ANKRD55: variants seen among roughly 807,000 people sequenced by gnomAD.
ANKRD55 encodes the protein ankyrin repeat domain 55.
Under a neutral mutation model 60.6 loss-of-function variants are expected in ANKRD55, and 41 were observed. That is an observed-to-expected ratio of 0.68 (90% confidence interval 0.53 to 0.88). The LOEUF is 0.88. ANKRD55 is among the 40% of genes least tolerant of loss of function. ANKRD55 has a pLI of 0.00. For missense variants in ANKRD55, 732 were observed against 767.6 expected, an observed-to-expected ratio of 0.95 and a Z score of 0.55; for synonymous variants, 264 against 290.3, an observed-to-expected ratio of 0.91 and a Z score of 0.92.
chr5:56,137,860 A>T (rs995782901), intron 7 of ANKRD55, among the ~76,000 whole-genome samples: 1 of 152,234 alleles, frequency 6.6e-6, no homozygotes, highest in Admixed American at 6.5e-5. Flanking sequence ...TTAAATGGGC[A>T]GAAGATCTTT....
Position 56,187,696 on chromosome 5 carries a change from G to C in ANKRD55, c.59-4062C>G, listed in dbSNP as rs1177724653. Among the ~76,000 whole-genome samples the C allele has an allele frequency of 3.3e-5, 5 of 152,356 alleles. No homozygotes were observed. The East Asian group carries it at 9.6e-4, about 29-fold the overall frequency. On this transcript the variant is annotated intron_variant, in intron 2 of 11. Transcript: ENST00000341048. ...TGCCATTGTTCCTGCACGGCTAACTGCCTGGGTTCATCCTAATCGAGCTGA... is the reference window on the plus strand; with the variant it reads ...TGCCATTGTTCCTGCACGGCTAACTCCCTGGGTTCATCCTAATCGAGCTGA...
At position 56,126,917 on chromosome 5, in the gene ANKRD55, G is replaced by A; in HGVS notation, c.797+5C>T. 5 of 1,595,172 alleles carry A rather than the reference G, an allele frequency of 3.1e-6. No individual in the cohort carries two copies. Among genetic ancestry groups the A allele is most frequent in the Non-Finnish European group, 4.3e-6 (5 of 1,169,682 alleles). ...TTCCCAGCACTTTCTGGTTACCATG[G>A]ATACCTGTCATCCACATCCAGAGCC... On this transcript the variant is annotated splice_donor_5th_base_variant and intron_variant, in intron 8 of 11. Coordinates refer to ENST00000341048, the MANE Select transcript of ANKRD55 (RefSeq NM_024669.3).
chr5:56,116,518 T>C, intron 9 of ANKRD55, 97 bp downstream of exon 9: 3 of 993,146 alleles, frequency 3.0e-6, no homozygotes, highest in Non-Finnish European at 4.1e-6. Flanking sequence ...TATAATAATA[T>C]TATTATTGGT....
At chr5:56,132,462 G>A (rs1267275683) in intron 7 of ANKRD55, among the ~76,000 whole-genome samples, 1 of 148,682 alleles carries the variant, frequency 6.7e-6, no homozygotes, top group East Asian at 1.9e-4. Context: ...GTGGTGGCGG[G>A]CGCCTGTAGT....
chr5:56,104,923 T>C (rs1488782045), intron 10 of ANKRD55, among the ~76,000 whole-genome samples: 1 of 152,096 alleles, frequency 6.6e-6, no homozygotes, highest in East Asian at 1.9e-4. Flanking sequence ...TAGACCTTGT[T>C]CCAGTATCTC....
intron 2 of ANKRD55, among the ~76,000 whole-genome samples, chr5:56,228,080 G>T (rs531570729): frequency 5.3e-5 from 8 of 152,270 alleles, no homozygotes; most frequent in African/African-American, 1.9e-4. Flanking sequence ...TGGGTTGAAT[G>T]GTGGCCCTAA....
At chr5:56,174,723 C>G (rs1758700119) in intron 4 of ANKRD55, among the ~76,000 whole-genome samples, 2 of 151,402 alleles carry the variant, frequency 1.3e-5, no homozygotes, top group African/African-American at 4.9e-5. Context: ...TCCCAGCTAC[C>G]TGGGAGGCTA....
At chr5:56,129,578 A>G (rs1757356037) in intron 7 of ANKRD55, among the ~76,000 whole-genome samples, 3 of 152,186 alleles carry the variant, frequency 2.0e-5, no homozygotes, top group Admixed American at 6.5e-5. Context: ...TAATTTTGCT[A>G]CGGGCAGATT....
intron 4 of ANKRD55, among the ~76,000 whole-genome samples, chr5:56,173,572 C>CTATATA (rs1554041248): frequency 1.1e-4 from 12 of 106,054 alleles, no homozygotes; most frequent in African/African-American, 2.6e-4. Flanking sequence ...CTCTCTCTCT[C>CTATATA]TCTCTCTCTC....
intron 3 of ANKRD55, among the ~76,000 whole-genome samples, chr5:56,182,334 A>G (rs1018471770): frequency 6.6e-6 from 1 of 152,082 alleles, no homozygotes; most frequent in Non-Finnish European, 1.5e-5. Flanking sequence ...TTTCAAGTTC[A>G]TTACTTCTTT....
chr5:56,196,149 A>C (rs187383244), intron 2 of ANKRD55, among the ~76,000 whole-genome samples: 198 of 152,300 alleles, frequency 1.3e-3, no homozygotes, highest in African/African-American at 3.7e-3. Context: ...AATTTTATTT[A>C]ATATTTCCGT....
rs938783054 is a variant in ANKRD55, at chr5:56,208,537, G to T, written c.58+24319C>A. Among the ~76,000 whole-genome samples the T allele has an allele frequency of 2.0e-5, 3 of 152,104 alleles. No individual in the cohort carries two copies. The East Asian group carries it at 5.8e-4, about 29-fold the overall frequency. On this transcript the variant is annotated intron_variant, in intron 2 of 11. Coordinates refer to ENST00000341048, the MANE Select transcript of ANKRD55 (RefSeq NM_024669.3). ...CCTCCTGGGTTCAAGCAATTCTCCT[G>T]GCTTAGCCTCCCGAGTAGCTGGGAC... is the stretch of plus-strand genomic sequence containing the variant.
intron 7 of ANKRD55, among the ~76,000 whole-genome samples, chr5:56,130,014 G>A (rs1757368287): frequency 6.6e-6 from 1 of 152,170 alleles, no homozygotes; most frequent in African/African-American, 2.4e-5. Flanking sequence ...GCTAACTAGA[G>A]AAAGAAACGT....
chr5:56,208,455 C>A (rs1433849142), intron 2 of ANKRD55, among the ~76,000 whole-genome samples: 1 of 151,960 alleles, frequency 6.6e-6, no homozygotes, highest in African/African-American at 2.4e-5. Context: ...GACAGAGTCT[C>A]ACTCTGTTAC....
At chr5:56,192,595 G>A (rs1344200198) in intron 2 of ANKRD55, 1 of 535,102 alleles carries the variant, frequency 1.9e-6, no homozygotes, top group South Asian at 2.2e-5. Context: ...TCTATGGATC[G>A]GCAATAGGGT....
chr5:56,127,438 C>A (rs191772594), intron 7 of ANKRD55: 1 of 985,014 alleles, frequency 1.0e-6, no homozygotes, highest in Admixed American at 6.2e-5. Context: ...GCCACCTAGA[C>A]AACAACTTGC....
intron 6 of ANKRD55, among the ~76,000 whole-genome samples, chr5:56,155,993 C>G (rs1758185381): frequency 6.6e-6 from 1 of 151,884 alleles, no homozygotes; most frequent in South Asian, 2.1e-4. Flanking sequence ...TGATTTAAAG[C>G]AAAACCTCAG....
intron 2 of ANKRD55, among the ~76,000 whole-genome samples, chr5:56,230,780 T>C (rs2111903711): frequency 6.6e-6 from 1 of 152,286 alleles, no homozygotes; most frequent in African/African-American, 2.4e-5. Context: ...TAATGTAATT[T>C]AGTCATCCAG....
At chr5:56,229,115 G>A (rs200220977) in intron 2 of ANKRD55, among the ~76,000 whole-genome samples, 1 of 120,964 alleles carries the variant, frequency 8.3e-6, no homozygotes. Context: ...TTTTTTCCCT[G>A]TTTTCTCTCT....
Sources: allele counts gnomAD v4.1 joint callset (sites outside exome capture counted in the v4.1 genomes callset), GRCh38; gene constraint gnomAD v4.1.1; transcripts MANE v1.5; gene names NCBI Gene and HGNC (gene_info 2026-07-23, HGNC 2026-07-21).